Variants in LAMC3 observed in about 807,000 individuals in gnomAD.
LAMC3 encodes the protein laminin subunit gamma 3.
A neutral mutation model predicts 173.8 loss-of-function variants in LAMC3; 128 were observed. The ratio of observed to expected loss-of-function variants is 0.74; its 90% confidence interval spans 0.64 to 0.85. LAMC3 has a LOEUF of 0.85. Ranked by LOEUF, LAMC3 falls within the 40% of genes least tolerant of loss-of-function variation. The pLI, the probability that LAMC3 is intolerant of heterozygous loss-of-function variation, is 0.00. For missense variants in LAMC3, 2,022 were observed against 2,156.0 expected, an observed-to-expected ratio of 0.94 and a Z score of 1.23; for synonymous variants, 897 against 909.1, an observed-to-expected ratio of 0.99 and a Z score of 0.24.
intron 20 of LAMC3, among the ~76,000 whole-genome samples, chr9:131,075,580 G>T (rs189737721): frequency 7.3e-6 from 1 of 137,116 alleles, no homozygotes; most frequent in East Asian, 2.0e-4. Flanking sequence ...AAAAAAAAAA[G>T]TCCTATTAAT....
At chr9:131,062,915 C>T (rs1280043374) in intron 13 of LAMC3, among the ~76,000 whole-genome samples, 1 of 152,026 alleles carries the variant, frequency 6.6e-6, no homozygotes, top group Non-Finnish European at 1.5e-5. Context: ...AGCCCTTCCT[C>T]CCTCCAGCCC....
chr9:131,051,180 C>CA (rs1834279815), intron 9 of LAMC3, among the ~76,000 whole-genome samples: 1 of 152,148 alleles, frequency 6.6e-6, no homozygotes, highest in African/African-American at 2.4e-5. Context: ...CCCACCCCCC[C>CA]AGTTCCCAAA....
chr9:131,061,551 G>T (rs1588157544), intron 13 of LAMC3, among the ~76,000 whole-genome samples: 1 of 152,092 alleles, frequency 6.6e-6, no homozygotes, highest in South Asian at 2.1e-4. Context: ...ACACAGCTAA[G>T]GTGGAAAACC....
chr9:131,074,775 C>T (rs1830094811), intron 20 of LAMC3, among the ~76,000 whole-genome samples: 1 of 151,708 alleles, frequency 6.6e-6, no homozygotes, highest in African/African-American at 2.4e-5. Context: ...TTTAGCTACG[C>T]TCCAGGGACC....
rs548457587 is a variant in LAMC3, at chr9:131,045,178, C to T, written c.1383-346C>T. Among the ~76,000 whole-genome samples the T allele has an allele frequency of 2.0e-5, 3 of 149,334 alleles. 1 individual carries two copies. Among genetic ancestry groups the T allele is most frequent in the South Asian group, 4.3e-4 (2 of 4,688 alleles). On this transcript the variant is annotated intron_variant, in intron 7 of 27. Transcript: ENST00000361069. ...CGGAGGCTGCAGTGAGCCAAGATTG[C>T]ACCATTGCACTCCAGCCTGGGCCAC...
At position 131,009,529 on chromosome 9, in the gene LAMC3, C is replaced by G. The variant is rs1169496373; in HGVS notation, c.315C>G (p.Ser105Arg). ...HSQDESTWWQ[S>R]PSMAFGVQYP... ...AGGACGAGAGCACCTGGTGGCAGAG[C>G]CCGTCCATGGCCTTCGGCGTGCAGT... is the stretch of plus-strand genomic sequence containing the variant. Residue 105 changes from serine to arginine, a missense_variant, in exon 1 of 28, where the codon AGC becomes AGG. Transcript: ENST00000361069. This position sits in a 1 kb window ranked among gnomAD's most constrained non-coding sequence, Gnocchi z 4.3. The G allele has an allele frequency of 2.6e-6, 4 of 1,561,472 alleles. No individual in the cohort carries two copies. Among genetic ancestry groups the G allele is most frequent in the Non-Finnish European group, 3.5e-6 (4 of 1,153,288 alleles).
chr9:131,080,829 G>A (rs1050653373), intron 23 of LAMC3, among the ~76,000 whole-genome samples: 40 of 152,070 alleles, frequency 2.6e-4, no homozygotes, highest in Admixed American at 5.9e-4. Flanking sequence ...CCATGCCTTC[G>A]TCCTCCTCCC....
Position 131,029,652 on chromosome 9 carries a change from C to T in LAMC3, c.679-2393C>T, listed in dbSNP as rs964976602. 1.3e-5 allele frequency among the ~76,000 whole-genome samples: 2 copies of T among 152,212 alleles called. No homozygotes were observed. The highest frequency in any genetic ancestry group is 2.9e-5 in the Non-Finnish European group (2 of 68,042). On this transcript the variant is annotated intron_variant, in intron 2 of 27. Transcript: ENST00000361069. The surrounding 1 kb of genome is among the most constrained non-coding windows in gnomAD (Gnocchi z 4.6). The stretch of plus-strand genomic sequence containing the variant: ...GGGGCAGGTGCTTTCTCAGAGGACA[C>T]AGAGCTTGGAAGGAAGGATGTGGCT...
In LAMC3 at chr9:131,052,621, G is replaced by A. The variant is rs1834313274; in HGVS notation, c.1761G>A (p.Arg587=). The A allele has an allele frequency of 1.9e-6, 3 of 1,613,882 alleles. No homozygotes were observed. The highest frequency in any genetic ancestry group is 1.7e-6 in the Non-Finnish European group (2 of 1,179,940). The change falls in exon 10 of 28, where the codon AGG becomes AGA. Residue 587 remains arginine (R), a synonymous_variant. Transcript: ENST00000361069. ...GGACAGGCTTGGCCCTGTCCCTGAG[G>A]CACTCTAGCCTGTCTGGCCCCCAGG... ...LEGTGLALSL[R]HSSLSGPQDA... is the part of the protein sequence containing the mutation.
intron 11 of LAMC3, among the ~76,000 whole-genome samples, chr9:131,053,814 C>CA (rs34774847): frequency 0.8 from 121,513 of 151,432 alleles, 49,219 homozygotes; most frequent in African/African-American, 0.91. Flanking sequence ...GACTGGGCGA[C>CA]AGAGCCAGAC....
At chr9:131,074,302 C>T (rs1439284441) in intron 20 of LAMC3, among the ~76,000 whole-genome samples, 3 of 152,004 alleles carry the variant, frequency 2.0e-5, no homozygotes, top group Non-Finnish European at 4.4e-5. Flanking sequence ...TGCTTCACTC[C>T]TCTTACAGTT....
In LAMC3 at chr9:131,081,941, C is replaced by T. The variant is rs560804381; in HGVS notation, c.3928-118C>T. ...GCTCCTGGTGGACAGCGTGACCCAG[C>T]GTCAGGGATTTGGTGATGATTTGGG... On this transcript the variant is annotated intron_variant, in intron 23 of 27. Coordinates refer to ENST00000361069, the MANE Select transcript of LAMC3 (RefSeq NM_006059.4). 60 of 727,734 alleles carry T rather than the reference C, an allele frequency of 8.2e-5. No individual in the cohort carries two copies. The East Asian group carries it at 1.4e-3, about 17-fold the overall frequency. The allele number at this position is 727,734 out of a possible 1,614,324, so 45.1% of individuals were successfully genotyped here. A position where few individuals can be genotyped will look rare whatever the true frequency, so the allele number is the denominator to read the frequency against.
intron 12 of LAMC3, among the ~76,000 whole-genome samples, chr9:131,057,784 A>G (rs1381388400): frequency 6.6e-6 from 1 of 152,264 alleles, no homozygotes; most frequent in Non-Finnish European, 1.5e-5. Flanking sequence ...CCTGGGTTGC[A>G]TAGGAGCTCA....
At chr9:131,031,372 G>C (rs75156561) in intron 2 of LAMC3, among the ~76,000 whole-genome samples, 3 of 152,144 alleles carry the variant, frequency 2.0e-5, no homozygotes, top group East Asian at 1.9e-4. Flanking sequence ...GGTATTTATC[G>C]AGTGCCTGCT....
intron 7 of LAMC3, among the ~76,000 whole-genome samples, chr9:131,042,249 G>A (rs991792144): frequency 2.6e-5 from 4 of 151,068 alleles, no homozygotes; most frequent in Admixed American, 6.6e-5. Context: ...CACCACTAAC[G>A]GAGCACTATC....
intron 8 of LAMC3, among the ~76,000 whole-genome samples, chr9:131,048,681 T>C (rs957182853): frequency 5.3e-5 from 8 of 152,098 alleles, no homozygotes; most frequent in African/African-American, 1.9e-4. Context: ...GTTAATGACA[T>C]GGGCCACTGG....
At chr9:131,077,428 G>A in intron 22 of LAMC3, 94 bp downstream of exon 22, 2 of 1,531,538 alleles carry the variant, frequency 1.3e-6, no homozygotes, top group South Asian at 2.3e-5. Flanking sequence ...TGTAATCGCA[G>A]CACTTTGGGA....
In LAMC3 at chr9:131,092,990, A is replaced by C. The variant is rs954239583; in HGVS notation, c.*1203A>C. The C allele has an allele frequency of 6.6e-6, 1 of 152,400 alleles. No individual in the cohort carries two copies. Among genetic ancestry groups the C allele is most frequent in the East Asian group, 1.9e-4 (1 of 5,182 alleles). 9.4% of individuals were successfully genotyped at this position (152,400 alleles called of 1,614,324 possible). The stretch of plus-strand genomic sequence containing the variant: ...AGCCCCCTCCCGTGGCTCCCCTGAC[A>C]GGGGCAGGGGTAGGGCAGCAGCACA... On this transcript the variant is annotated 3_prime_UTR_variant, in exon 28 of 28. Transcript: ENST00000361069.
At chr9:131,024,358 C>T (rs1173977666) in intron 1 of LAMC3, among the ~76,000 whole-genome samples, 1 of 152,096 alleles carries the variant, frequency 6.6e-6, no homozygotes, top group African/African-American at 2.4e-5. Context: ...GTTGGTCAGG[C>T]TGGTCTCGAA....
Sources: gnomAD v4.1 joint callset for allele counts (sites outside exome capture counted in the v4.1 genomes callset) on GRCh38, gnomAD v4.1.1 for gene constraint, Gnocchi (gnomAD v3.1) non-coding constraint, MANE v1.5 for transcripts, NCBI Gene and HGNC (gene_info 2026-07-23, HGNC 2026-07-21) for gene names.